FBXL17: variants seen among roughly 807,000 people sequenced by gnomAD.
FBXL17 encodes F-box/LRR-repeat protein 17.
Under a neutral mutation model 66.2 loss-of-function variants are expected in FBXL17, and 22 were observed. The observed-to-expected ratio is 0.33, with a 90% CI of 0.24 to 0.47. The LOEUF is 0.47. FBXL17 is among the 20% of genes least tolerant of loss of function. The pLI is 1.00. For missense variants in FBXL17, 878 were observed against 948.2 expected (o/e 0.93, Z 0.97); for synonymous variants, 474 against 400.5 (o/e 1.18, Z -2.19).
At chr5:108,056,529 G>T (rs533828680) in intron 6 of FBXL17, among the ~76,000 whole-genome samples, 1 of 152,324 alleles carries the variant, frequency 6.6e-6, no homozygotes, top group African/African-American at 2.4e-5. Flanking sequence ...GCCAACTGGT[G>T]ATGAGTTTTA....
chr5:108,325,349 T>C (rs1759801532), intron 4 of FBXL17, among the ~76,000 whole-genome samples: 1 of 152,104 alleles, frequency 6.6e-6, no homozygotes, highest in South Asian at 2.1e-4. Context: ...ACCAAGTAAG[T>C]AGAATGCATG....
chr5:107,934,588 CT>C (rs1750837671), intron 7 of FBXL17, among the ~76,000 whole-genome samples: 1 of 152,086 alleles, frequency 6.6e-6, no homozygotes, highest in Non-Finnish European at 1.5e-5. Flanking sequence ...GTAAAGTTTT[CT>C]TAATTTCATT....
intron 3 of FBXL17, among the ~76,000 whole-genome samples, chr5:108,354,886 GA>G (rs983618446): frequency 1.1e-4 from 17 of 151,458 alleles, no homozygotes; most frequent in Middle Eastern, 3.4e-3. Flanking sequence ...AGTTTCGAGT[GA>G]AAAAAAACCA....
intron 7 of FBXL17, among the ~76,000 whole-genome samples, chr5:107,952,226 C>G (rs1279695864): frequency 6.6e-6 from 1 of 152,030 alleles, no homozygotes; most frequent in African/African-American, 2.4e-5. Context: ...TTTACATTTA[C>G]TCTTTGTATT....
At chr5:108,350,168 T>C (rs547008796) in intron 3 of FBXL17, among the ~76,000 whole-genome samples, 2 of 152,320 alleles carry the variant, frequency 1.3e-5, no homozygotes, top group Non-Finnish European at 2.9e-5. Flanking sequence ...CTCACATATA[T>C]GTCTGGCAGT....
At chr5:108,259,600 G>A in intron 4 of FBXL17, among the ~76,000 whole-genome samples, 1 of 151,866 alleles carries the variant, frequency 6.6e-6, no homozygotes, top group East Asian at 1.9e-4. Context: ...AAAGGGCTTT[G>A]TAAAAATGTT....
At chr5:107,921,874 G>A (rs1466299889) in intron 7 of FBXL17, among the ~76,000 whole-genome samples, 2 of 152,178 alleles carry the variant, frequency 1.3e-5, no homozygotes, top group Non-Finnish European at 2.9e-5. Flanking sequence ...TGAATATAAA[G>A]CTCACATTTT....
intron 7 of FBXL17, among the ~76,000 whole-genome samples, chr5:107,934,124 C>T (rs367593455): frequency 4.7e-4 from 71 of 152,232 alleles, no homozygotes; most frequent in African/African-American, 1.6e-3. Context: ...TCATAATTGA[C>T]TCTAATTTTA....
At chr5:108,246,827 C>T (rs1328148087) in intron 4 of FBXL17, among the ~76,000 whole-genome samples, 1 of 152,096 alleles carries the variant, frequency 6.6e-6, no homozygotes, top group African/African-American at 2.4e-5. Flanking sequence ...TTCAGAATTT[C>T]ATTTAAGAAA....
At chr5:108,176,536 T>C (rs1752799705) in intron 6 of FBXL17, among the ~76,000 whole-genome samples, 1 of 152,168 alleles carries the variant, frequency 6.6e-6, no homozygotes, top group Admixed American at 6.5e-5. Flanking sequence ...ATTCACATTA[T>C]TCTATTAGAC....
chr5:108,082,662 C>A (rs889863065), intron 6 of FBXL17, among the ~76,000 whole-genome samples: 3 of 152,062 alleles, frequency 2.0e-5, no homozygotes, highest in African/African-American at 7.2e-5. Flanking sequence ...CAATGACAGT[C>A]CAGAGTGATC....
chr5:108,295,329 CATT>C (rs1432259853), intron 4 of FBXL17, among the ~76,000 whole-genome samples: 1 of 151,674 alleles, frequency 6.6e-6, no homozygotes, highest in Non-Finnish European at 1.5e-5. Context: ...TAAAAAATAA[CATT>C]GAGCATTTAA....
chr5:108,040,701 A>ATT (rs1747012122), intron 6 of FBXL17, among the ~76,000 whole-genome samples: 1 of 152,186 alleles, frequency 6.6e-6, no homozygotes, highest in Admixed American at 6.5e-5. Context: ...CTTGAATTTA[A>ATT]TATCTTTATC....
chr5:107,973,730 A>G (rs1752471684), intron 7 of FBXL17, among the ~76,000 whole-genome samples: 1 of 152,084 alleles, frequency 6.6e-6, no homozygotes, highest in Admixed American at 6.6e-5. Flanking sequence ...TCCGTCACCC[A>G]GGAAATAATG....
intron 6 of FBXL17, among the ~76,000 whole-genome samples, chr5:108,081,651 A>G (rs938586791): frequency 6.6e-6 from 1 of 152,034 alleles, no homozygotes; most frequent in Admixed American, 6.6e-5. Flanking sequence ...TGAACCCGGG[A>G]GGCGGAGCTT....
intron 4 of FBXL17, chr5:108,299,206 C>T (rs1248756949): frequency 6.1e-6 from 6 of 984,906 alleles, no homozygotes; most frequent in Non-Finnish European, 7.2e-6. Flanking sequence ...ACCTTTATAC[C>T]TTTATGACAT....
chr5:108,175,420 T>G (rs1561447821), intron 6 of FBXL17, among the ~76,000 whole-genome samples: 1 of 152,230 alleles, frequency 6.6e-6, no homozygotes, highest in Non-Finnish European at 1.5e-5. Context: ...TATTATTTCA[T>G]CTTTTCTTTA....
At position 108,126,646 on chromosome 5, in the gene FBXL17, TCTCTCTATATATATATAC is replaced by T. The variant is rs1325621855; in HGVS notation, c.1745+59453_1745+59470del. ...CTGTCTCTCTGTCTCTCTCTCTCTC[TCTCTCTATATATATATAC>T]ATATATATATATATATATATACACA... On this transcript the variant is annotated intron_variant, in intron 6 of 8. Coordinates refer to ENST00000542267, the MANE Select transcript of FBXL17 (RefSeq NM_001163315.3). Among the ~76,000 whole-genome samples, 21 of 77,392 alleles carry T rather than the reference TCTCTCTATATATATATAC, an allele frequency of 2.7e-4. No individual in the cohort carries two copies. The Admixed American group carries it at 2.9e-3, about 11-fold the overall frequency. 50.8% of individuals were successfully genotyped at this position (77,392 alleles called of 152,430 possible).
At chr5:108,336,113 T>A (rs1026995922) in intron 4 of FBXL17, among the ~76,000 whole-genome samples, 2 of 152,140 alleles carry the variant, frequency 1.3e-5, no homozygotes, top group African/African-American at 4.8e-5. Flanking sequence ...ACAAAATTGT[T>A]AGAACATATT....
Sources: allele counts gnomAD v4.1 joint callset (sites outside exome capture counted in the v4.1 genomes callset), GRCh38; gene constraint gnomAD v4.1.1; transcripts MANE v1.5; gene names NCBI Gene and HGNC (gene_info 2026-07-23, HGNC 2026-07-21).